Variants in ODAM observed in about 807,000 individuals in gnomAD.
The protein encoded by ODAM is odontogenic ameloblast-associated protein.
In ODAM, 55 loss-of-function variants were observed where a neutral mutation model predicts 48.5. That is an observed-to-expected ratio of 1.13 (90% confidence interval 0.91 to 1.42). The LOEUF is 1.42. Ranked by LOEUF, ODAM falls within the 40% of genes most tolerant of loss-of-function variation. ODAM has a pLI of 0.00. For synonymous variants in ODAM, 127 were observed against 107.8 expected (o/e 1.18, Z -1.10); for missense variants, 353 against 323.6 (o/e 1.09, Z -0.70).
Position 70,198,103 on chromosome 4 carries a change from A to G in ODAM, c.321A>G (p.Gln107=). ...ASFAQGAQAG[Q]VDPLQLQTPP... is the part of the protein sequence containing the mutation. ...TTGCCCAAGGAGCCCAGGCAGGCCAAGTTGATCCCTTACAGCTTCAAACAC... is the reference window on the plus strand; with the variant it reads ...TTGCCCAAGGAGCCCAGGCAGGCCAGGTTGATCCCTTACAGCTTCAAACAC... The change falls in exon 5 of 12, where the codon CAA becomes CAG. Residue 107 remains glutamine (Q), a synonymous_variant. Coordinates refer to ENST00000683306, the MANE Select transcript of ODAM (RefSeq NM_017855.4). 2 of 1,613,272 alleles carry G rather than the reference A, an allele frequency of 1.2e-6. No homozygotes were observed. The highest frequency in any genetic ancestry group is 1.1e-5 in the South Asian group (1 of 91,068).
chr4:70,197,839 T>C, intron 4 of ODAM, 85 bp from the exon 5 acceptor site: 1 of 975,050 alleles, frequency 1.0e-6, no homozygotes, highest in Non-Finnish European at 1.6e-6. Context: ...ATTGTTTGTA[T>C]TTTGCCTCTT....
chr4:70,196,147 G>A (rs1729352925), intron 1 of ODAM, among the ~76,000 whole-genome samples: 1 of 151,972 alleles, frequency 6.6e-6, no homozygotes, highest in African/African-American at 2.4e-5. Context: ...AATTGCTGCA[G>A]TAATAAGTCC....
chr4:70,199,472 T>G (rs1051659908), intron 6 of ODAM, among the ~76,000 whole-genome samples: 3 of 152,006 alleles, frequency 2.0e-5, no homozygotes, highest in Non-Finnish European at 4.4e-5. Flanking sequence ...TTACTTCATC[T>G]TAAGAATCAA....
intron 5 of ODAM, 26 bp downstream of exon 5, chr4:70,198,183 T>TC: frequency 6.3e-7 from 1 of 1,582,244 alleles, no homozygotes; most frequent in Non-Finnish European, 8.7e-7. Flanking sequence ...TTCATTTTGT[T>TC]CTGAGGAGAG....
chr4:70,202,106 T>C, intron 8 of ODAM, 152 bp from the exon 9 acceptor site: 1 of 628,378 alleles, frequency 1.6e-6, no homozygotes, highest in Non-Finnish European at 2.8e-6. Context: ...AAGCCAGTTC[T>C]CTAATAGCAA....
chr4:70,202,926 A>G lies in ODAM; in HGVS notation c.810+9A>G, dbSNP rs759937051. ...AGCTCCCAGAAGAGAAGGTAGAGTC[A>G]TGAAAACTTCACTTTATGCAAAAAA... On this transcript the variant is annotated intron_variant, in intron 10 of 11. Coordinates refer to ENST00000683306, the MANE Select transcript of ODAM (RefSeq NM_017855.4). 3.8e-6 allele frequency: 6 copies of G among 1,591,672 alleles called. No homozygotes were observed. Among genetic ancestry groups the G allele is most frequent in the African/African-American group, 1.4e-5 (1 of 73,286 alleles).
chr4:70,202,474 AG>A (rs1473317406), intron 9 of ODAM, 145 bp downstream of exon 9: 2 of 746,946 alleles, frequency 2.7e-6, no homozygotes, highest in Non-Finnish European at 2.3e-6. Context: ...TTGCCAGTAA[AG>A]ATTCAGTTCA....
At chr4:70,197,252 C>T (rs1174493402) in intron 3 of ODAM, 22 bp from the exon 4 acceptor site, 6 of 1,106,288 alleles carry the variant, frequency 5.4e-6, no homozygotes, top group South Asian at 5.0e-5. Context: ...ATCTTGATTT[C>T]ATATTATTTT....
chr4:70,200,189 A>C (rs758937769), intron 6 of ODAM: 3 of 404,852 alleles, frequency 7.4e-6, no homozygotes, highest in Non-Finnish European at 1.4e-5. Context: ...AGGTATTTGC[A>C]AAGTAATTTG....
At position 70,200,483 on chromosome 4, in the gene ODAM, CTTT is replaced by C; in HGVS notation, c.424-11_424-9del. 6.9e-7 allele frequency: 1 copy of C among 1,442,868 alleles called. No homozygotes were observed. The highest frequency in any genetic ancestry group is 1.2e-5 in the South Asian group (1 of 84,892). 89.4% of individuals were successfully genotyped at this position (1,442,868 alleles called of 1,614,324 possible). On this transcript the variant is annotated splice_polypyrimidine_tract_variant and intron_variant, in intron 6 of 11. Coordinates refer to ENST00000683306, the MANE Select transcript of ODAM (RefSeq NM_017855.4). ...TTAATGGAATCTCTTGTATCCTTCTCTTTTTACAAGTAGATGTTTCAATACTAT... is the reference window on the plus strand; with the variant it reads ...TTAATGGAATCTCTTGTATCCTTCTCTTACAAGTAGATGTTTCAATACTAT...
At chr4:70,203,372 CTT>C (rs1416857047) in intron 11 of ODAM, among the ~76,000 whole-genome samples, 158 bp downstream of exon 11, 1 of 151,794 alleles carries the variant, frequency 6.6e-6, no homozygotes, top group Admixed American at 6.6e-5. Flanking sequence ...TAATTATGGA[CTT>C]CAACAATTTT....
At chr4:70,198,439 A>T in intron 5 of ODAM, 140 bp from the exon 6 acceptor site, 1 of 689,680 alleles carries the variant, frequency 1.4e-6, no homozygotes, top group Non-Finnish European at 2.4e-6. Flanking sequence ...ATGTCAGCAC[A>T]TGTAACGGAT....
At position 70,198,152 on chromosome 4, in the gene ODAM, A is replaced by G. The variant is rs1231197748; in HGVS notation, c.370A>G (p.Ser124Gly). 4 of 1,612,084 alleles carry G rather than the reference A, an allele frequency of 2.5e-6. No homozygotes were observed. The highest frequency in any genetic ancestry group is 3.4e-6 in the Non-Finnish European group (4 of 1,179,018). Reference sequence around the variant, plus strand: ...ACCGCCTCAGACACAACCAGGCCCCAGTCACGTAAGTCAGGCCTCTTTCAT... The same window carrying G: ...ACCGCCTCAGACACAACCAGGCCCCGGTCACGTAAGTCAGGCCTCTTTCAT... ...QTPPQTQPGP[S>G]HVMPYVFSFK... is the part of the protein sequence containing the mutation. Residue 124 changes from serine to glycine, a missense_variant, in exon 5 of 12, where the codon AGT (serine) becomes GGT (glycine). Transcript: ENST00000683306.
intron 6 of ODAM, chr4:70,200,035 G>T: frequency 2.5e-6 from 1 of 404,318 alleles, no homozygotes; most frequent in Non-Finnish European, 4.8e-6. Flanking sequence ...AAATATATAT[G>T]GATTATTTTA....
chr4:70,197,308 CACTACAACTTCAGGT>C lies in ODAM; in HGVS notation c.131_141+4del. ...AATCTTAATAATGGTCAACTTTTGC[CACTACAACTTCAGGT>C]ACCTCCATTTCAATAATTACTTTAT... On this transcript the variant is annotated splice_donor_variant and coding_sequence_variant, in exon 4 of 12. Coordinates refer to ENST00000683306, the MANE Select transcript of ODAM (RefSeq NM_017855.4). LOFTEE classifies it high-confidence loss of function. The C allele has an allele frequency of 2.8e-6, 4 of 1,441,028 alleles. No homozygotes were observed. In the South Asian group the frequency reaches 4.6e-5, roughly 17 times the overall value. 89.3% of individuals were successfully genotyped at this position (1,441,028 alleles called of 1,614,324 possible). A position where few individuals can be genotyped will look rare whatever the true frequency, so the allele number is the denominator to read the frequency against.
Position 70,202,776 on chromosome 4 carries a change from A to G in ODAM, c.669A>G (p.Pro223=). 5 of 1,610,930 alleles carry G rather than the reference A, an allele frequency of 3.1e-6. No homozygotes were observed. The highest frequency in any genetic ancestry group is 4.2e-6 in the Non-Finnish European group (5 of 1,178,368). ...TGTAGTCAACAGGAGAAGAGATACC[A>G]TATTTACAAAAAGAAGCGATCAACT... ...IAVMSTGEEI[P]YLQKEAINFR... Residue 223 remains proline, a synonymous_variant, in exon 10 of 12, where the codon CCA becomes CCG. Transcript: ENST00000683306.
Position 70,202,239 on chromosome 4 carries a change from A to G in ODAM, c.577-19A>G, listed in dbSNP as rs917279161. The G allele has an allele frequency of 6.2e-7, 1 of 1,604,042 alleles. No homozygotes were observed. The highest frequency in any genetic ancestry group is 8.5e-7 in the Non-Finnish European group (1 of 1,171,870). On this transcript the variant is annotated intron_variant, in intron 8 of 11. Coordinates refer to ENST00000683306, the MANE Select transcript of ODAM (RefSeq NM_017855.4). ...AACGATCACTGATTTAGACTTTTTA[A>G]AACTTTTTGTGTTTTTAGGCTATAT...
intron 1 of ODAM, among the ~76,000 whole-genome samples, chr4:70,196,312 GCAAA>G (rs1729361105): frequency 1.3e-5 from 2 of 151,892 alleles, no homozygotes; most frequent in Admixed American, 6.6e-5. Flanking sequence ...AAAAGGACAA[GCAAA>G]CAATCTTGGT....
chr4:70,196,852 A>AAGC (rs1245280956), intron 3 of ODAM, 119 bp downstream of exon 3: 2 of 721,068 alleles, frequency 2.8e-6, no homozygotes, highest in Non-Finnish European at 4.6e-6. Flanking sequence ...ATGTATATCC[A>AAGC]AGCACATTTC....
Sources: allele counts gnomAD v4.1 joint callset (sites outside exome capture counted in the v4.1 genomes callset), GRCh38; gene constraint gnomAD v4.1.1; transcripts MANE v1.5; gene names NCBI Gene and HGNC (gene_info 2026-07-23, HGNC 2026-07-21).